Variants in CUX1 observed in about 807,000 individuals in gnomAD.
The protein encoded by CUX1 is protein CASP.
In CUX1, 31 loss-of-function variants were observed where a neutral mutation model predicts 158.8. The ratio of observed to expected loss-of-function variants is 0.20; its 90% confidence interval spans 0.15 to 0.26. CUX1 has a LOEUF of 0.26. CUX1 is among the 10% of genes least tolerant of loss of function. CUX1 has a pLI of 1.00. For synonymous variants in CUX1, 879 were observed against 862.1 expected, an observed-to-expected ratio of 1.02 and a Z score of -0.34; for missense variants, 1,589 against 2,014.6, an observed-to-expected ratio of 0.79 and a Z score of 4.04.
chr7:102,044,796 A>C (rs1822544837), intron 3 of CUX1, among the ~76,000 whole-genome samples: 2 of 152,102 alleles, frequency 1.3e-5, no homozygotes. Flanking sequence ...AGGGGTTGTC[A>C]GGGTCTTCTT....
chr7:101,919,210 G>C (rs879320508), intron 2 of CUX1, among the ~76,000 whole-genome samples: 1 of 148,876 alleles, frequency 6.7e-6, no homozygotes, highest in Non-Finnish European at 1.5e-5. Flanking sequence ...GTGTGTGTGT[G>C]GGGGGGGAGC....
chr7:102,216,533 C>CA (rs1563424417), intron 20 of CUX1, among the ~76,000 whole-genome samples: 10 of 95,442 alleles, frequency 1.0e-4, no homozygotes, highest in Admixed American at 2.4e-4. Context: ...CACTCTCCCC[C>CA]CCACACACAC....
At position 102,256,435 on chromosome 7, in the gene CUX1, T is replaced by C. The variant is rs572702911; in HGVS notation, c.*7393T>C. ...TAAATGCTTTTTGCTGTCACTCTAG[T>C]GGTTACTATCCTCTGCCTTCCTCTC... On this transcript the variant is annotated 3_prime_UTR_variant, in exon 24 of 24. Transcript: ENST00000292535. 110 of 985,336 alleles carry C rather than the reference T, an allele frequency of 1.1e-4. No homozygotes were observed. The highest frequency in any genetic ancestry group is 2.5e-4 in the Admixed American group (4 of 16,262). 61.0% of individuals were successfully genotyped at this position (985,336 alleles called of 1,614,324 possible). A position where few individuals can be genotyped will look rare whatever the true frequency, so the allele number is the denominator to read the frequency against.
Position 101,841,453 on chromosome 7 carries a change from C to G in CUX1, c.30+23784C>G, listed in dbSNP as rs1349228293. On this transcript the variant is annotated intron_variant, in intron 1 of 23. Transcript: ENST00000292535. ...CAGCTTTTGGTCTTGTTAATCTTGCCTTTTTTTTATGTGGCTTATTTCTCA... is the reference window on the plus strand; with the variant it reads ...CAGCTTTTGGTCTTGTTAATCTTGCGTTTTTTTTATGTGGCTTATTTCTCA... 2.0e-5 allele frequency among the ~76,000 whole-genome samples: 3 copies of G among 151,330 alleles called. No individual in the cohort carries two copies. In the East Asian group the frequency reaches 5.8e-4, roughly 29 times the overall value.
Position 102,254,932 on chromosome 7 carries a change from C to A in CUX1, c.*5890C>A. Reference sequence around the variant, plus strand: ...ACCAGGGAAAAGGGGAAGCAGGTACCCAATAAAGTTTAGAAAGATCCAGTC... The same window carrying A: ...ACCAGGGAAAAGGGGAAGCAGGTACACAATAAAGTTTAGAAAGATCCAGTC... On this transcript the variant is annotated 3_prime_UTR_variant, in exon 24 of 24. Coordinates refer to ENST00000292535, the MANE Select transcript of CUX1 (RefSeq NM_181552.4). The A allele has an allele frequency of 1.0e-6, 1 of 985,352 alleles. No homozygotes were observed. The highest frequency in any genetic ancestry group is 1.2e-6 in the Non-Finnish European group (1 of 829,936). The allele number at this position is 985,352 out of a possible 1,614,324, so 61.0% of individuals were successfully genotyped here. A position where few individuals can be genotyped will look rare whatever the true frequency, so the allele number is the denominator to read the frequency against.
At chr7:101,904,114 C>G (rs562979779) in intron 1 of CUX1, among the ~76,000 whole-genome samples, 3 of 117,010 alleles carry the variant, frequency 2.6e-5, no homozygotes, top group African/African-American at 3.5e-5. Flanking sequence ...CGTGTCTTTA[C>G]AAAACACACA....
At chr7:102,245,400 T>TGC (rs1460164311) in intron 23 of CUX1, among the ~76,000 whole-genome samples, 1 of 152,226 alleles carries the variant, frequency 6.6e-6, no homozygotes, top group East Asian at 1.9e-4. Context: ...AGCACCCAAG[T>TGC]GCAGTGCTGC....
intron 2 of CUX1, among the ~76,000 whole-genome samples, chr7:101,996,561 C>A (rs1003622597): frequency 1.3e-5 from 2 of 151,892 alleles, no homozygotes; most frequent in African/African-American, 4.9e-5. Context: ...CAGTGGTTTC[C>A]AAGGGAGAAA....
At position 102,094,463 on chromosome 7, in the gene CUX1, G is replaced by A. The variant is rs1828974236; in HGVS notation, c.269-2901G>A. Reference sequence around the variant, plus strand: ...CTCTGAAAATTGGTGTAAAGGTCTGGTTCCTCCTCACTTGATAATGTGCGT... The same window carrying A: ...CTCTGAAAATTGGTGTAAAGGTCTGATTCCTCCTCACTTGATAATGTGCGT... On this transcript the variant is annotated intron_variant, in intron 4 of 23. Transcript: ENST00000292535. 3.3e-5 allele frequency among the ~76,000 whole-genome samples: 5 copies of A among 152,186 alleles called. No individual in the cohort carries two copies. In the South Asian group the frequency reaches 1.0e-3, roughly 32 times the overall value.
chr7:102,089,698 A>G (rs1293716648), intron 4 of CUX1, among the ~76,000 whole-genome samples: 1 of 152,244 alleles, frequency 6.6e-6, no homozygotes, highest in African/African-American at 2.4e-5. Context: ...CACCCTGTGC[A>G]TAGGCACTTT....
At chr7:102,207,852 A>C (rs1796110382) in intron 20 of CUX1, among the ~76,000 whole-genome samples, 1 of 152,190 alleles carries the variant, frequency 6.6e-6, no homozygotes, top group South Asian at 2.1e-4. Context: ...AAAAGAGATT[A>C]TCATATGGTT....
rs1801654340 is a variant in CUX1, at chr7:102,252,813, C to G, written c.*3771C>G. ...TCTGTGGTTTCTGCTCACCAGACCT[C>G]TCTTTAGAAAGGGTTATCAGAGCCA... On this transcript the variant is annotated 3_prime_UTR_variant, in exon 24 of 24. Transcript: ENST00000292535. 2 of 985,454 alleles carry G rather than the reference C, an allele frequency of 2.0e-6. No homozygotes were observed. The highest frequency in any genetic ancestry group is 2.4e-6 in the Non-Finnish European group (2 of 829,956). 61.0% of individuals were successfully genotyped at this position (985,454 alleles called of 1,614,324 possible). A position where few individuals can be genotyped will look rare whatever the true frequency, so the allele number is the denominator to read the frequency against.
At chr7:101,958,738 C>T (rs1810080513) in intron 2 of CUX1, among the ~76,000 whole-genome samples, 1 of 151,652 alleles carries the variant, frequency 6.6e-6, no homozygotes. Flanking sequence ...CTTCAGCCTC[C>T]CAAAGTGCTG....
At chr7:102,170,271 T>C (rs535144589) in intron 9 of CUX1, among the ~76,000 whole-genome samples, 175 bp from the exon 10 acceptor site, 1 of 152,366 alleles carries the variant, frequency 6.6e-6, no homozygotes, top group South Asian at 2.1e-4. Context: ...TTCCTTGTAC[T>C]GTTTAAAATA....
intron 8 of CUX1, among the ~76,000 whole-genome samples, chr7:102,124,601 A>G (rs1832410895): frequency 6.6e-6 from 1 of 152,230 alleles, no homozygotes; most frequent in South Asian, 2.1e-4. Context: ...GAATACCACA[A>G]GATCTCACTC....
chr7:102,231,900 A>G (rs1300455559), intron 21 of CUX1, among the ~76,000 whole-genome samples: 2 of 151,612 alleles, frequency 1.3e-5, no homozygotes, highest in African/African-American at 4.8e-5. Flanking sequence ...TTTTTAGTAG[A>G]GACGGGGTTT....
chr7:102,039,471 T>C (rs1821805101), intron 3 of CUX1, among the ~76,000 whole-genome samples: 1 of 152,060 alleles, frequency 6.6e-6, no homozygotes, highest in Non-Finnish European at 1.5e-5. Context: ...CTTGGCAACG[T>C]AGTGAAACTC....
At chr7:102,135,224 G>A (rs1220448480) in intron 8 of CUX1, among the ~76,000 whole-genome samples, 2 of 152,072 alleles carry the variant, frequency 1.3e-5, no homozygotes, top group East Asian at 1.9e-4. Flanking sequence ...ATGAAGTGCC[G>A]ATTAAGATGT....
At chr7:101,873,379 G>C (rs1213747605) in intron 1 of CUX1, among the ~76,000 whole-genome samples, 2 of 123,876 alleles carry the variant, frequency 1.6e-5, no homozygotes, top group East Asian at 4.6e-4. Flanking sequence ...ATAGAGACAG[G>C]GCCTCACTAT....
Sources: allele counts gnomAD v4.1 joint callset (sites outside exome capture counted in the v4.1 genomes callset), GRCh38; gene constraint gnomAD v4.1.1; transcripts MANE v1.5; gene names NCBI Gene and HGNC (gene_info 2026-07-23, HGNC 2026-07-21).